Variants in WDR37 observed in about 807,000 individuals in gnomAD.
WDR37 encodes the protein WD repeat domain 37, also known as WD repeat-containing protein 37.
In WDR37, 19 loss-of-function variants were observed where a neutral mutation model predicts 62.9. The observed-to-expected ratio is 0.30, with a 90% confidence interval of 0.21 to 0.44. WDR37 has a LOEUF of 0.44. Among genes scored for constraint, WDR37 ranks in the 20% least tolerant of loss-of-function variants. The pLI is 1.00. For missense variants in WDR37, 474 were observed against 657.6 expected, an observed-to-expected ratio of 0.72 and a Z score of 3.05; for synonymous variants, 250 against 260.9, an observed-to-expected ratio of 0.96 and a Z score of 0.40.
At chr10:1,112,689 G>A (rs1178727591) in intron 11 of WDR37, among the ~76,000 whole-genome samples, 1 of 152,224 alleles carries the variant, frequency 6.6e-6, no homozygotes, top group Non-Finnish European at 1.5e-5. Context: ...ATGCTGATAT[G>A]AAGGAACTTT....
At chr10:1,117,774 T>C (rs1444878985) in intron 11 of WDR37, among the ~76,000 whole-genome samples, 10 of 152,354 alleles carry the variant, frequency 6.6e-5, no homozygotes, top group Non-Finnish European at 1.5e-5. Flanking sequence ...GTGGTGACCA[T>C]GCTGTGTGCA....
chr10:1,102,631 C>T (rs760416917), intron 9 of WDR37, among the ~76,000 whole-genome samples: 2 of 152,202 alleles, frequency 1.3e-5, no homozygotes, highest in Non-Finnish European at 2.9e-5. Context: ...CTCTTGAGAG[C>T]TCACCCACTA....
At chr10:1,104,601 T>C (rs1041081563) in intron 10 of WDR37, among the ~76,000 whole-genome samples, 24 of 152,196 alleles carry the variant, frequency 1.6e-4, no homozygotes, top group Admixed American at 1.5e-3. Context: ...GTATCATAAT[T>C]ACCAGAAAGA....
Position 1,105,379 on chromosome 10 carries a change from C to CA in WDR37, c.1103+119dup, listed in dbSNP as rs1834969121. 5 of 1,314,800 alleles carry CA rather than the reference C, an allele frequency of 3.8e-6. No individual in the cohort carries two copies. The highest frequency in any genetic ancestry group is 3.0e-5 in the South Asian group (2 of 66,884). The allele number at this position is 1,314,800 out of a possible 1,614,324, so 81.4% of individuals were successfully genotyped here. On this transcript the variant is annotated intron_variant, in intron 11 of 13. Coordinates refer to ENST00000263150, the MANE Select transcript of WDR37 (RefSeq NM_014023.4). The surrounding 1 kb of genome is among the most constrained non-coding windows in gnomAD (Gnocchi z 5.3). The stretch of plus-strand genomic sequence containing the variant: ...CAGTATTTCCGACTCTACTATCTTT[C>CA]AAAAAAATAACTACCTTTCAAATTC...
chr10:1,068,050 T>C (rs1374564022), intron 1 of WDR37, among the ~76,000 whole-genome samples: 1 of 151,858 alleles, frequency 6.6e-6, no homozygotes, highest in East Asian at 1.9e-4. Flanking sequence ...GAAAAATAGA[T>C]AGATAATAGA....
chr10:1,062,004 G>A (rs908947633), intron 1 of WDR37, among the ~76,000 whole-genome samples: 3 of 149,090 alleles, frequency 2.0e-5, no homozygotes, highest in African/African-American at 7.6e-5. Flanking sequence ...CTGGTCTTGA[G>A]CTTTTTTTTT....
intron 7 of WDR37, among the ~76,000 whole-genome samples, chr10:1,088,781 A>G (rs1834287117): frequency 6.6e-6 from 1 of 152,218 alleles, no homozygotes; most frequent in Non-Finnish European, 1.5e-5. Flanking sequence ...GCTGTTGGGA[A>G]AATCGTGGCA....
intron 7 of WDR37, among the ~76,000 whole-genome samples, chr10:1,089,665 T>C (rs1834318544): frequency 3.3e-5 from 1 of 30,074 alleles, no homozygotes; most frequent in African/African-American, 7.0e-5. Flanking sequence ...TCACCCGCAG[T>C]TCGGCCTTCC....
chr10:1,114,061 ATTC>A (rs1465290713), intron 11 of WDR37, among the ~76,000 whole-genome samples: 1 of 149,818 alleles, frequency 6.7e-6, no homozygotes, highest in African/African-American at 2.5e-5. Context: ...GGTTCAAACA[ATTC>A]TTCTGCCTCA....
chr10:1,119,462 T>C (rs1835504513), intron 11 of WDR37, among the ~76,000 whole-genome samples: 1 of 152,236 alleles, frequency 6.6e-6, no homozygotes, highest in Non-Finnish European at 1.5e-5. Context: ...TCTCTTTGAA[T>C]AGTCTGTGGA....
Position 1,072,137 on chromosome 10 carries a change from A to G in WDR37, c.-19A>G. On this transcript the variant is annotated 5_prime_UTR_variant, in exon 2 of 14. Transcript: ENST00000263150. ...TTAGCTTATTGCAGGAGTGACCAGG[A>G]CACTACCTCCTAGAAGTAATGCCCA... is the stretch of plus-strand genomic sequence containing the variant. 2 of 1,613,774 alleles carry G rather than the reference A, an allele frequency of 1.2e-6. No individual in the cohort carries two copies. The highest frequency in any genetic ancestry group is 1.7e-6 in the Non-Finnish European group (2 of 1,179,780).
chr10:1,126,590 C>T (rs1010759547), intron 13 of WDR37, among the ~76,000 whole-genome samples: 16 of 152,180 alleles, frequency 1.1e-4, no homozygotes, highest in African/African-American at 1.9e-4. Context: ...CAGGGCCACA[C>T]GCCTGCCGGC....
chr10:1,122,813 G>T (rs1414829902), intron 11 of WDR37, among the ~76,000 whole-genome samples: 1 of 152,228 alleles, frequency 6.6e-6, no homozygotes, highest in Non-Finnish European at 1.5e-5. Flanking sequence ...GCCTCAGCTG[G>T]TGAGGACATG....
At chr10:1,082,732 A>G (rs145789082) in intron 5 of WDR37, among the ~76,000 whole-genome samples, 221 of 145,940 alleles carry the variant, frequency 1.5e-3, no homozygotes, top group African/African-American at 5.2e-3. Flanking sequence ...ACATGAGAAA[A>G]TATTTGAAAA....
intron 11 of WDR37, among the ~76,000 whole-genome samples, chr10:1,115,746 G>C (rs1336669129): frequency 6.6e-6 from 1 of 152,194 alleles, no homozygotes; most frequent in Non-Finnish European, 1.5e-5. Context: ...TTTCAGATCT[G>C]CTTTCTTTTT....
chr10:1,082,811 C>T (rs1834072081), intron 5 of WDR37, among the ~76,000 whole-genome samples: 1 of 104,282 alleles, frequency 9.6e-6, no homozygotes, highest in African/African-American at 3.0e-5. Flanking sequence ...GCAGTGCAGT[C>T]AGAGCCTCTG....
At chr10:1,118,376 G>A (rs1158101163) in intron 11 of WDR37, among the ~76,000 whole-genome samples, 4 of 149,008 alleles carry the variant, frequency 2.7e-5, no homozygotes, top group Non-Finnish European at 5.9e-5. Context: ...TCTGAGCCAC[G>A]TGCACTCAGC....
At chr10:1,093,684 G>C (rs1404282157) in intron 8 of WDR37, among the ~76,000 whole-genome samples, 188 bp downstream of exon 8, 1 of 152,202 alleles carries the variant, frequency 6.6e-6, no homozygotes, top group African/African-American at 2.4e-5. Context: ...AGAGACAGTA[G>C]TGGATAAGCA....
chr10:1,063,113 G>T (rs1833424070), intron 1 of WDR37, among the ~76,000 whole-genome samples: 1 of 151,898 alleles, frequency 6.6e-6, no homozygotes, highest in South Asian at 2.1e-4. Flanking sequence ...CTGAAAGATG[G>T]AGAAAAGAAG....
Sources: allele counts gnomAD v4.1 joint callset (sites outside exome capture counted in the v4.1 genomes callset), GRCh38; gene constraint gnomAD v4.1.1; non-coding constraint Gnocchi (gnomAD v3.1); transcripts MANE v1.5; gene names NCBI Gene and HGNC (gene_info 2026-07-23, HGNC 2026-07-21).